XKR4: variants seen among roughly 807,000 people sequenced by gnomAD.
XKR4 encodes the protein XK related 4.
Under a neutral mutation model 53.9 loss-of-function variants are expected in XKR4, and 12 were observed. That is an observed-to-expected ratio of 0.22 (90% CI 0.14 to 0.36). The LOEUF (loss-of-function observed/expected upper bound fraction) is 0.36, where lower values mean the gene tolerates loss of function less well. Ranked by LOEUF, XKR4 falls within the 10% of genes least tolerant of loss-of-function variation. The pLI is 1.00. For missense variants in XKR4, 799 were observed against 859.5 expected, an observed-to-expected ratio of 0.93 and a Z score of 0.88; for synonymous variants, 354 against 362.4, an observed-to-expected ratio of 0.98 and a Z score of 0.26.
intron 1 of XKR4, among the ~76,000 whole-genome samples, chr8:55,304,901 C>T (rs1327457736): frequency 6.6e-6 from 1 of 151,596 alleles, no homozygotes; most frequent in African/African-American, 2.4e-5. Context: ...CACTTTATTA[C>T]CAGAGGCAGA....
intron 2 of XKR4, among the ~76,000 whole-genome samples, chr8:55,392,649 G>C (rs1019088148): frequency 6.6e-6 from 1 of 151,772 alleles, no homozygotes; most frequent in Admixed American, 6.5e-5. Flanking sequence ...AAATTAGCCA[G>C]GTGTGGTGGC....
intron 1 of XKR4, among the ~76,000 whole-genome samples, chr8:55,172,681 A>G (rs1178922708): frequency 1.3e-5 from 2 of 152,218 alleles, no homozygotes; most frequent in Non-Finnish European, 2.9e-5. Flanking sequence ...CAAATTTATC[A>G]GGTTTACAGT....
At chr8:55,505,543 C>T (rs1806514853) in intron 2 of XKR4, among the ~76,000 whole-genome samples, 1 of 151,914 alleles carries the variant, frequency 6.6e-6, no homozygotes. Flanking sequence ...AGAACAAGAC[C>T]CCATCTCAAA....
rs1040350240 is a variant in XKR4, at chr8:55,524,036, C to A, written c.1762C>A (p.Pro588Thr). Residue 588 changes from proline to threonine, a missense_variant, in exon 3 of 3, where the codon CCA becomes ACA. By Grantham distance (38) the Pro-to-Thr change is conservative (BLOSUM62 -1). Transcript: ENST00000327381. ...TAPSTPSSRP[P>T]RIEESVIKID... ...CCCATCCACCCCATCATCTCGCCCA[C>A]CACGGATTGAAGAATCAGTCATTAA... 3.1e-6 allele frequency: 5 copies of A among 1,614,188 alleles called. No homozygotes were observed. In the Admixed American group the frequency reaches 5.0e-5, roughly 16 times the overall value.
At chr8:55,489,741 A>G (rs959637033) in intron 2 of XKR4, among the ~76,000 whole-genome samples, 3 of 152,148 alleles carry the variant, frequency 2.0e-5, no homozygotes, top group Admixed American at 6.5e-5. Context: ...TATGTCACCC[A>G]TGAATATAAA....
chr8:55,472,460 A>T (rs776553881), intron 2 of XKR4, among the ~76,000 whole-genome samples: 11 of 152,112 alleles, frequency 7.2e-5, no homozygotes, highest in Non-Finnish European at 1.0e-4. Context: ...AGTATGTATA[A>T]CTTGTCAAAC....
intron 1 of XKR4, among the ~76,000 whole-genome samples, chr8:55,103,829 A>C (rs1816094509): frequency 7.0e-6 from 1 of 142,710 alleles, no homozygotes. Context: ...CAAAGTAAAG[A>C]TCCTAATAGG....
chr8:55,481,000 T>G (rs1806093191), intron 2 of XKR4, among the ~76,000 whole-genome samples: 1 of 152,110 alleles, frequency 6.6e-6, no homozygotes, highest in East Asian at 1.9e-4. Context: ...TTCAATGCCA[T>G]CCCCATCAAG....
intron 1 of XKR4, among the ~76,000 whole-genome samples, chr8:55,328,307 C>A (rs1000556343): frequency 5.9e-5 from 9 of 152,198 alleles, no homozygotes; most frequent in Non-Finnish European, 1.2e-4. Flanking sequence ...TGAAACAGTA[C>A]ATGGTGAATA....
At chr8:55,340,014 A>C (rs1803518205) in intron 1 of XKR4, among the ~76,000 whole-genome samples, 1 of 152,228 alleles carries the variant, frequency 6.6e-6, no homozygotes, top group East Asian at 1.9e-4. Flanking sequence ...ACTTCAGTTC[A>C]TAAATGAACA....
intron 1 of XKR4, among the ~76,000 whole-genome samples, chr8:55,165,673 C>G (rs1474967428): frequency 6.6e-6 from 1 of 151,446 alleles, no homozygotes; most frequent in Admixed American, 6.6e-5. Context: ...GGTGTGGTGG[C>G]GGGTGCCTGT....
At position 55,401,991 on chromosome 8, in the gene XKR4, T is replaced by G. The variant is rs910905021; in HGVS notation, c.1006+44114T>G. Among the ~76,000 whole-genome samples, 5 of 152,306 alleles carry G rather than the reference T, an allele frequency of 3.3e-5. No individual in the cohort carries two copies. The East Asian group carries it at 9.6e-4, about 29-fold the overall frequency. On this transcript the variant is annotated intron_variant, in intron 2 of 2. Coordinates refer to ENST00000327381, the MANE Select transcript of XKR4 (RefSeq NM_052898.2). ...TTGACTATTGATACAAAAAAATTAA[T>G]GAGAAGGACATCATTTTGTATTTTC...
At chr8:55,304,338 T>G (rs916995858) in intron 1 of XKR4, among the ~76,000 whole-genome samples, 1 of 152,200 alleles carries the variant, frequency 6.6e-6, no homozygotes, top group Non-Finnish European at 1.5e-5. Flanking sequence ...GAGTTCTAGT[T>G]TGATTGCGCT....
chr8:55,493,373 G>A (rs561157120), intron 2 of XKR4, among the ~76,000 whole-genome samples: 1 of 152,286 alleles, frequency 6.6e-6, no homozygotes, highest in African/African-American at 2.4e-5. Context: ...ACCTCCAGAG[G>A]TACTAGAACT....
chr8:55,383,297 C>T (rs1031436945), intron 2 of XKR4, among the ~76,000 whole-genome samples: 1 of 152,188 alleles, frequency 6.6e-6, no homozygotes, highest in East Asian at 1.9e-4. Flanking sequence ...AAAGACCTAG[C>T]CTTTGATCTA....
intron 1 of XKR4, among the ~76,000 whole-genome samples, chr8:55,204,573 T>A (rs1346442468): frequency 6.6e-6 from 1 of 152,132 alleles, no homozygotes; most frequent in Non-Finnish European, 1.5e-5. Context: ...GTAGCCCATG[T>A]CTGCAACTCT....
intron 1 of XKR4, among the ~76,000 whole-genome samples, chr8:55,219,663 G>A (rs1428183432): frequency 6.6e-6 from 1 of 152,128 alleles, no homozygotes; most frequent in Non-Finnish European, 1.5e-5. Flanking sequence ...CCTTCTTAGA[G>A]CAAACCAGTG....
At chr8:55,405,370 A>G (rs1482514624) in intron 2 of XKR4, among the ~76,000 whole-genome samples, 1 of 152,178 alleles carries the variant, frequency 6.6e-6, no homozygotes. Flanking sequence ...AATTATAGTG[A>G]TGTTGGCAAC....
At chr8:55,365,213 G>A (rs1803960363) in intron 2 of XKR4, among the ~76,000 whole-genome samples, 1 of 152,242 alleles carries the variant, frequency 6.6e-6, no homozygotes, top group South Asian at 2.1e-4. Context: ...CTCTTCCGCA[G>A]CCTGCTGTGC....
Sources: gnomAD v4.1 joint callset for allele counts (sites outside exome capture counted in the v4.1 genomes callset) on GRCh38, gnomAD v4.1.1 for gene constraint, MANE v1.5 for transcripts, NCBI Gene and HGNC (gene_info 2026-07-23, HGNC 2026-07-21) for gene names.